The following COLEC12 variants were observed in gnomAD, a reference collection of about 807,000 sequenced individuals.
The protein encoded by COLEC12 is collectin subfamily member 12.
In COLEC12, 33 loss-of-function variants were observed where a neutral mutation model predicts 71.1. The ratio of observed to expected loss-of-function variants is 0.46; its 90% CI spans 0.35 to 0.62. The LOEUF is 0.62. Among genes scored for constraint, COLEC12 ranks in the 20% least tolerant of loss-of-function variants. COLEC12 has a pLI of 0.00. For missense variants in COLEC12, 765 were observed against 916.1 expected (o/e 0.84, Z 2.13); for synonymous variants, 350 against 353.0 (o/e 0.99, Z 0.10).
chr18:330,966 G>A (rs943033657), intron 8 of COLEC12, among the ~76,000 whole-genome samples: 36 of 146,968 alleles, frequency 2.4e-4, no homozygotes, highest in African/African-American at 8.0e-4. Flanking sequence ...TACAACCTCC[G>A]CCTCCTGGGT....
rs758893741 is a variant in COLEC12 at position 347,097 on chromosome 18, A to G, written c.525T>C (p.Asn175=). ...TTVNKTLQAY[N]GYVTNLQQDT... ...CTTGCTGCAGATTCGTGACATAGCC[A>G]TTATACGCCTGGAGGGTTTTGTTTA... The change falls in exon 5 of 10, where the codon AAT becomes AAC. Residue 175 remains asparagine (N), a synonymous_variant. Coordinates refer to ENST00000400256, the MANE Select transcript of COLEC12 (RefSeq NM_130386.3). The G allele has an allele frequency of 1.9e-6, 3 of 1,614,204 alleles. No homozygotes were observed. The highest frequency in any genetic ancestry group is 2.5e-6 in the Non-Finnish European group (3 of 1,180,038).
At chr18:322,759 C>G (rs1396244434) in intron 8 of COLEC12, among the ~76,000 whole-genome samples, 2 of 152,156 alleles carry the variant, frequency 1.3e-5, no homozygotes, top group African/African-American at 2.4e-5. Flanking sequence ...GCACTGGCCA[C>G]AGGGTGTCCT....
chr18:373,988 G>A (rs1366798729), intron 2 of COLEC12, among the ~76,000 whole-genome samples: 1 of 152,198 alleles, frequency 6.6e-6, no homozygotes, highest in Non-Finnish European at 1.5e-5. Context: ...AATGACTCCA[G>A]GGGATAAGGG....
chr18:402,213 T>A (rs1347422167), intron 2 of COLEC12, among the ~76,000 whole-genome samples: 1 of 152,006 alleles, frequency 6.6e-6, no homozygotes, highest in Non-Finnish European at 1.5e-5. Flanking sequence ...GTTACAGAAT[T>A]TTCTGGGGTT....
At chr18:462,602 G>A (rs754036900) in intron 2 of COLEC12, among the ~76,000 whole-genome samples, 2 of 152,134 alleles carry the variant, frequency 1.3e-5, no homozygotes, top group Non-Finnish European at 2.9e-5. Flanking sequence ...AATTGATGGT[G>A]GTAGTTGCAC....
chr18:323,159 AG>A (rs1913755186), intron 8 of COLEC12, among the ~76,000 whole-genome samples: 1 of 152,140 alleles, frequency 6.6e-6, no homozygotes, highest in African/African-American at 2.4e-5. Context: ...CAGGAGGTGG[AG>A]GTTTGCAGTG....
rs932041612 is a variant in COLEC12 at position 350,965 on chromosome 18, A to G, written c.182-2802T>C. ...ACAGAGCGAGACTCTGTCTCAAAAA[A>G]AAAAAAAAAAAAGACTTCAAAAAAT... On this transcript the variant is annotated intron_variant, in intron 3 of 9. Transcript: ENST00000400256. Among the ~76,000 whole-genome samples, 3 of 151,910 alleles carry G rather than the reference A, an allele frequency of 2.0e-5. 1 individual carries two copies. The highest frequency in any genetic ancestry group is 7.2e-5 in the African/African-American group (3 of 41,382).
chr18:368,899 CA>C (rs556033723), intron 2 of COLEC12, among the ~76,000 whole-genome samples: 8 of 151,960 alleles, frequency 5.3e-5, no homozygotes, highest in Non-Finnish European at 1.0e-4. Context: ...AAAAACAAAA[CA>C]AAAAAAATTC....
intron 1 of COLEC12, among the ~76,000 whole-genome samples, chr18:482,086 T>G (rs1201962346): frequency 1.3e-5 from 2 of 151,690 alleles, no homozygotes; most frequent in Non-Finnish European, 2.9e-5. Flanking sequence ...CATCCACAAG[T>G]AGGCCCCAGT....
chr18:379,237 C>T lies in COLEC12; in HGVS notation c.59-21715G>A, dbSNP rs1454478888. Among the ~76,000 whole-genome samples the T allele has an allele frequency of 2.6e-5, 4 of 152,042 alleles. No individual in the cohort carries two copies. The East Asian group carries it at 7.7e-4, about 29-fold the overall frequency. ...TCCTAGGCTCAAGTGGTCCTCCCAC[C>T]TCAGCCTCCCAAGTAGCTGGGACCA... On this transcript the variant is annotated intron_variant, in intron 2 of 9. Transcript: ENST00000400256.
At chr18:333,362 C>A in intron 6 of COLEC12, 1 of 450,056 alleles carries the variant, frequency 2.2e-6, no homozygotes, top group East Asian at 3.6e-5. Flanking sequence ...TGGAAAAGAT[C>A]TTTGACTGGG....
At chr18:388,510 T>A (rs1445875280) in intron 2 of COLEC12, among the ~76,000 whole-genome samples, 1 of 152,232 alleles carries the variant, frequency 6.6e-6, no homozygotes, top group Non-Finnish European at 1.5e-5. Flanking sequence ...ATGAAACGAT[T>A]CACTTGTCAA....
intron 2 of COLEC12, among the ~76,000 whole-genome samples, chr18:417,683 C>A (rs758387802): frequency 5.9e-5 from 9 of 152,142 alleles, no homozygotes; most frequent in Non-Finnish European, 1.5e-5. Flanking sequence ...GTTAGAAACA[C>A]GATACACAGA....
intron 7 of COLEC12, 64 bp downstream of exon 7, chr18:332,943 A>C: frequency 1.4e-6 from 2 of 1,408,034 alleles, no homozygotes; most frequent in Non-Finnish European, 1.9e-6. Context: ...ACAAGCCTGC[A>C]ATTTCCAGAT....
intron 2 of COLEC12, among the ~76,000 whole-genome samples, chr18:404,274 A>T (rs1438053057): frequency 6.6e-6 from 1 of 152,236 alleles, no homozygotes; most frequent in Admixed American, 6.5e-5. Flanking sequence ...AAAAAAGCAA[A>T]TGGTAAGAGT....
At chr18:411,736 C>G (rs1474312256) in intron 2 of COLEC12, among the ~76,000 whole-genome samples, 3 of 152,302 alleles carry the variant, frequency 2.0e-5, no homozygotes, top group Middle Eastern at 6.8e-3. Context: ...GAAACCTCAT[C>G]TCTACAAAAA....
Position 320,454 on chromosome 18 carries a change from C to G in COLEC12, c.2210-390G>C, listed in dbSNP as rs540455576. On this transcript the variant is annotated intron_variant, in intron 9 of 9. Coordinates refer to ENST00000400256, the MANE Select transcript of COLEC12 (RefSeq NM_130386.3). The stretch of plus-strand genomic sequence containing the variant: ...GTCTTAAGGTCCCTAGCACTTGGAC[C>G]AATGCCTGACACATCAAAGGTGCTC... 3.9e-5 allele frequency among the ~76,000 whole-genome samples: 6 copies of G among 152,274 alleles called. No homozygotes were observed. The South Asian group carries it at 6.2e-4, about 16-fold the overall frequency.
At chr18:429,888 A>G (rs72863560) in intron 2 of COLEC12, among the ~76,000 whole-genome samples, 2,529 of 152,120 alleles carry the variant, frequency 0.017, 31 homozygotes, top group Non-Finnish European at 0.02. Context: ...TATTGCCCTT[A>G]TTTTAATTAC....
chr18:396,848 C>A (rs1915582466), intron 2 of COLEC12, among the ~76,000 whole-genome samples: 1 of 152,218 alleles, frequency 6.6e-6, no homozygotes, highest in African/African-American at 2.4e-5. Context: ...TGATTAAATG[C>A]AAGAGGCCAA....
Sources: gnomAD v4.1 joint callset for allele counts (sites outside exome capture counted in the v4.1 genomes callset) on GRCh38, gnomAD v4.1.1 for gene constraint, MANE v1.5 for transcripts, NCBI Gene and HGNC (gene_info 2026-07-23, HGNC 2026-07-21) for gene names.